Variants in ANK2 observed in about 807,000 individuals in gnomAD.
ANK2 encodes ankyrin 2, also known as ankyrin-2.
In ANK2, 83 loss-of-function variants were observed where a neutral mutation model predicts 360.5. The ratio of observed to expected loss-of-function variants is 0.23; its 90% CI spans 0.19 to 0.28. The LOEUF (loss-of-function observed/expected upper bound fraction) is 0.28. Ranked by LOEUF, ANK2 falls within the 10% of genes least tolerant of loss-of-function variation. The pLI is 1.00. For synonymous variants in ANK2, 1,740 were observed against 1,759.5 expected, an observed-to-expected ratio of 0.99 and a Z score of 0.28; for missense variants, 4,201 against 4,795.7, an observed-to-expected ratio of 0.88 and a Z score of 3.66.
intron 23 of ANK2, among the ~76,000 whole-genome samples, chr4:113,304,517 C>T (rs2076351011): frequency 6.6e-6 from 1 of 152,134 alleles, no homozygotes; most frequent in Admixed American, 6.5e-5. Flanking sequence ...TTATTGAGAA[C>T]TGCTAACATA....
chr4:112,825,388 T>G (rs901178724), intron 1 of ANK2, among the ~76,000 whole-genome samples: 6 of 152,178 alleles, frequency 3.9e-5, no homozygotes, highest in African/African-American at 1.4e-4. Flanking sequence ...TGTCCTCAGT[T>G]GGAAAGAAAA....
intron 1 of ANK2, among the ~76,000 whole-genome samples, chr4:113,142,601 G>A (rs1250110479): frequency 6.6e-6 from 1 of 152,096 alleles, no homozygotes; most frequent in Non-Finnish European, 1.5e-5. Context: ...AGCTTTAGCA[G>A]TGGGGTTCAG....
the ANK2 span, among the ~76,000 whole-genome samples, chr4:112,799,317 A>G: frequency 2.0e-5 from 3 of 152,004 alleles, no homozygotes; most frequent in African/African-American, 4.8e-5. Context: ...CCTGCTTCCG[A>G]TTCTTTCTGG....
At chr4:113,048,270 ATATATATTTTTTTT>A (rs1262629975), upstream of ANK2, among the ~76,000 whole-genome samples, 1 of 62,304 alleles carries the variant, frequency 1.6e-5, no homozygotes, top group East Asian at 3.9e-4. Flanking sequence ...ATATATATAT[ATATATATTTTTTTT>A]TTTTTTTTTT....
At chr4:112,839,245 T>C (rs2061605813) in intron 1 of ANK2, among the ~76,000 whole-genome samples, 1 of 152,212 alleles carries the variant, frequency 6.6e-6, no homozygotes, top group African/African-American at 2.4e-5. Context: ...AGTTTTAAAA[T>C]ATACAGAAGG....
At chr4:113,240,856 C>T (rs989035617) in intron 8 of ANK2, among the ~76,000 whole-genome samples, 3 of 152,204 alleles carry the variant, frequency 2.0e-5, no homozygotes, top group African/African-American at 7.2e-5. Context: ...TTATATTTAA[C>T]GATCATGCCA....
chr4:113,196,448 T>C lies in ANK2; in HGVS notation c.267T>C (p.Ser89=). Residue 89 remains serine, a synonymous_variant, in exon 3 of 46, where the codon TCT becomes TCC. Coordinates refer to ENST00000357077, the MANE Select transcript of ANK2 (RefSeq NM_001148.6). ...LVQELLGRGS[S]VDSATKKGNT... ...AGGAGCTGCTGGGAAGAGGGTCCTC[T>C]GTGGATTCTGCCACTAAGGTAACAT... The C allele has an allele frequency of 1.2e-6, 2 of 1,613,380 alleles. No individual in the cohort carries two copies. The highest frequency in any genetic ancestry group is 1.7e-6 in the Non-Finnish European group (2 of 1,179,828).
intron 1 of ANK2, among the ~76,000 whole-genome samples, chr4:113,171,335 T>C (rs2097940077): frequency 6.6e-6 from 1 of 152,182 alleles, no homozygotes; most frequent in African/African-American, 2.4e-5. Context: ...ATTGACCTCA[T>C]TGTAGGGTAC....
At chr4:112,841,171 C>CTGAAG (rs4031616) in intron 1 of ANK2, among the ~76,000 whole-genome samples, 110,070 of 151,364 alleles carry the variant, frequency 0.73, 40,920 homozygotes, top group East Asian at 0.97. Flanking sequence ...CCTTCACTGC[C>CTGAAG]TGAAGACTGG....
chr4:113,134,281 CTTT>C (rs5861124), intron 1 of ANK2, among the ~76,000 whole-genome samples: 11,916 of 86,124 alleles, frequency 0.14, 1,144 homozygotes, highest in East Asian at 0.46. Flanking sequence ...TGAAAGTTGT[CTTT>C]TTTTTTTTTT....
chr4:112,718,515 T>C, the ANK2 span, among the ~76,000 whole-genome samples: 1 of 152,256 alleles, frequency 6.6e-6, no homozygotes, highest in Non-Finnish European at 1.5e-5. Flanking sequence ...GGTTTCACCA[T>C]GTTGGCCAGG....
the ANK2 span, among the ~76,000 whole-genome samples, chr4:112,809,287 C>T: frequency 3.3e-5 from 5 of 150,444 alleles, no homozygotes; most frequent in Non-Finnish European, 7.4e-5. Context: ...AAGGGCCGGG[C>T]GCGGTGGCTC....
At chr4:112,719,109 G>T in the ANK2 span, among the ~76,000 whole-genome samples, 2 of 152,090 alleles carry the variant, frequency 1.3e-5, no homozygotes, top group African/African-American at 4.8e-5. Flanking sequence ...TTCTTTACAT[G>T]TATTATTTCA....
intron 1 of ANK2, among the ~76,000 whole-genome samples, chr4:113,072,766 G>GTTTTTTTT (rs2078150191): frequency 6.8e-5 from 1 of 14,742 alleles, no homozygotes; most frequent in African/African-American, 1.7e-4. Context: ...TTTTTTTTTT[G>GTTTTTTTT]CTGTCTTGTC....
intron 4 of ANK2, among the ~76,000 whole-genome samples, chr4:113,231,822 G>A (rs570520077): frequency 3.3e-5 from 5 of 152,030 alleles, no homozygotes; most frequent in South Asian, 4.2e-4. Flanking sequence ...GGCAGGTCTC[G>A]AACTCCTGAC....
chr4:112,875,571 A>C (rs954315871), intron 1 of ANK2, among the ~76,000 whole-genome samples: 2 of 152,028 alleles, frequency 1.3e-5, no homozygotes, highest in African/African-American at 4.8e-5. Flanking sequence ...CCTACCCTCA[A>C]GTGATCTTCC....
chr4:112,873,425 T>C (rs953071112), intron 1 of ANK2, among the ~76,000 whole-genome samples: 1 of 152,090 alleles, frequency 6.6e-6, no homozygotes, highest in Non-Finnish European at 1.5e-5. Context: ...CAAAATATTA[T>C]GTAATGTCCC....
rs1581233873 is a variant in ANK2, at chr4:113,089,611, A to C, written c.84+39799A>C. On this transcript the variant is annotated intron_variant, in intron 1 of 45. Coordinates refer to ENST00000357077, the MANE Select transcript of ANK2 (RefSeq NM_001148.6). ...GAGGCTGAGGCGGGTGGATCACCTG[A>C]AGTCAGAAGTTCGAGACTAGCCTGA... 4.6e-5 allele frequency among the ~76,000 whole-genome samples: 7 copies of C among 152,296 alleles called. 2 individuals are homozygous for C. The highest frequency in any genetic ancestry group is 4.6e-4 in the Admixed American group (7 of 15,300).
intron 2 of ANK2, among the ~76,000 whole-genome samples, chr4:112,996,072 C>A (rs1245183457): frequency 6.6e-6 from 1 of 152,218 alleles, no homozygotes; most frequent in East Asian, 1.9e-4. Context: ...CGAAAACAAC[C>A]CAAATGTCTA....
Sources: allele counts gnomAD v4.1 joint callset (sites outside exome capture counted in the v4.1 genomes callset), GRCh38; gene constraint gnomAD v4.1.1; transcripts MANE v1.5; gene names NCBI Gene and HGNC (gene_info 2026-07-23, HGNC 2026-07-21).